Variants in KIAA1549 observed in about 807,000 individuals in gnomAD.
The protein encoded by KIAA1549 is KIAA1549.
Under a neutral mutation model 156.4 loss-of-function variants are expected in KIAA1549, and 70 were observed. That is an observed-to-expected ratio of 0.45 (90% CI 0.37 to 0.55). KIAA1549 has a LOEUF of 0.55. Ranked by LOEUF, KIAA1549 falls within the 20% of genes least tolerant of loss-of-function variation. The pLI, the probability that KIAA1549 is intolerant of heterozygous loss-of-function variation, is 0.00. For missense variants in KIAA1549, 2,428 were observed against 2,540.9 expected (o/e 0.96, Z 0.96); for synonymous variants, 1,103 against 1,066.4 (o/e 1.03, Z -0.67).
At chr7:138,969,480 T>G (rs961988109) in intron 1 of KIAA1549, among the ~76,000 whole-genome samples, 1 of 152,264 alleles carries the variant, frequency 6.6e-6, no homozygotes, top group African/African-American at 2.4e-5. Context: ...TTTTTAAGGC[T>G]GAACGATATT....
chr7:138,886,467 AG>A (rs1811393783), intron 10 of KIAA1549, among the ~76,000 whole-genome samples: 1 of 152,036 alleles, frequency 6.6e-6, no homozygotes, highest in African/African-American at 2.4e-5. Context: ...TTGTAGAGAC[AG>A]GATCTTGCTA....
chr7:138,845,202 T>C (rs1266319060), intron 17 of KIAA1549, among the ~76,000 whole-genome samples: 1 of 146,704 alleles, frequency 6.8e-6, no homozygotes, highest in East Asian at 2.1e-4. Context: ...ATTAAACATA[T>C]ATTAACATAA....
rs1584736599 is a variant in KIAA1549, at chr7:138,894,490, T to C, written c.3884A>G (p.Gln1295Arg). ...AACAATGACCCACAAGTTGTTGCTC[T>C]GGGATTCCGGAGACGGCCTCTTCAC... ...DRVKRPSPES[Q>R]SNNLWVIVGV... Residue 1295 changes from glutamine to arginine, a missense_variant, in exon 10 of 20, where the codon CAG (glutamine) becomes CGG (arginine). Physicochemically the swap from Gln to Arg is conservative, Grantham distance 43. Around this residue, in one of 5 missense-constraint regions of KIAA1549, gnomAD observed 762 missense variants for 901.6 expected, o/e 0.85. Transcript: ENST00000422774. 6.2e-7 allele frequency: 1 copy of C among 1,614,026 alleles called. No individual in the cohort carries two copies. Among genetic ancestry groups the C allele is most frequent in the Non-Finnish European group, 8.5e-7 (1 of 1,179,890 alleles).
At chr7:138,881,704 G>A (rs188156337) in intron 10 of KIAA1549, 120 bp from the exon 11 acceptor site, 12 of 820,064 alleles carry the variant, frequency 1.5e-5, no homozygotes, top group East Asian at 5.3e-5. Flanking sequence ...AACAAGCATC[G>A]CTAGAACATG....
intron 17 of KIAA1549, 67 bp from the exon 18 acceptor site, chr7:138,844,541 C>A: frequency 7.3e-7 from 1 of 1,375,540 alleles, no homozygotes; most frequent in Non-Finnish European, 9.6e-7. Flanking sequence ...CCATGAGGTC[C>A]ACCCCCAACC....
At chr7:138,889,274 T>C (rs761535145) in intron 10 of KIAA1549, among the ~76,000 whole-genome samples, 27 of 152,184 alleles carry the variant, frequency 1.8e-4, no homozygotes, top group Non-Finnish European at 3.2e-4. Flanking sequence ...TATAGGGCGG[T>C]CTACGTAGCC....
At position 138,967,003 on chromosome 7, in the gene KIAA1549, C is replaced by G; in HGVS notation, c.187+14080G>C. On this transcript the variant is annotated intron_variant, in intron 1 of 19. Coordinates refer to ENST00000422774, the MANE Select transcript of KIAA1549 (RefSeq NM_001164665.2). ...CCCATTTTCAACGAGGCTCCCTAAA[C>G]ACCCAGATCAAAACTGCAACTCGTC... Among the ~76,000 whole-genome samples, 2 of 152,200 alleles carry G rather than the reference C, an allele frequency of 1.3e-5. 1 individual carries two copies. Among genetic ancestry groups the G allele is most frequent in the East Asian group, 3.9e-4 (2 of 5,186 alleles).
At chr7:138,910,960 G>A (rs1401088811) in intron 4 of KIAA1549, among the ~76,000 whole-genome samples, 186 bp downstream of exon 4, 2 of 151,986 alleles carry the variant, frequency 1.3e-5, no homozygotes, top group African/African-American at 2.4e-5. Flanking sequence ...CGAGCTCAGG[G>A]GTTCAAGGCT....
At position 138,918,517 on chromosome 7, in the gene KIAA1549, G is replaced by T; in HGVS notation, c.1109C>A (p.Ser370Tyr). The T allele has an allele frequency of 6.2e-7, 1 of 1,614,040 alleles. No individual in the cohort carries two copies. The highest frequency in any genetic ancestry group is 1.3e-5 in the African/African-American group (1 of 75,062). The stretch of plus-strand genomic sequence containing the variant: ...TGAAACATCAGTTGGTGAAGCAGAG[G>T]ACGCAAATGCAAGAGGAGTTGAAAG... Reference protein sequence around the residue: ...PLLSTPLAFASSASPTDVSSN... With the variant: ...PLLSTPLAFAYSASPTDVSSN... Residue 370 changes from serine (S) to tyrosine (Y), a missense_variant, in exon 2 of 20, where the codon TCC becomes TAC. Physicochemically the swap from Ser to Tyr is moderately radical, Grantham distance 144. Around this residue, in one of 5 missense-constraint regions of KIAA1549, gnomAD observed 893 missense variants for 847.9 expected, o/e 1.05. Coordinates refer to ENST00000422774, the MANE Select transcript of KIAA1549 (RefSeq NM_001164665.2). This position sits in a 1 kb window ranked among gnomAD's most constrained non-coding sequence, Gnocchi z 4.2.
At chr7:138,884,450 G>A (rs1811334202) in intron 10 of KIAA1549, among the ~76,000 whole-genome samples, 1 of 152,122 alleles carries the variant, frequency 6.6e-6, no homozygotes, top group African/African-American at 2.4e-5. Flanking sequence ...CCCTTCCCTT[G>A]TAGAGTTTAG....
chr7:138,971,064 C>A (rs941311782), intron 1 of KIAA1549, among the ~76,000 whole-genome samples: 1 of 152,190 alleles, frequency 6.6e-6, no homozygotes, highest in Admixed American at 6.5e-5. Context: ...CGACACAACA[C>A]CCCAGGACCG....
At chr7:138,904,194 C>G (rs151047233) in intron 7 of KIAA1549, among the ~76,000 whole-genome samples, 1 of 152,326 alleles carries the variant, frequency 6.6e-6, no homozygotes, top group East Asian at 1.9e-4. Context: ...GCCTGCCCAT[C>G]TTTAGTTATC....
At chr7:138,887,654 G>T (rs1811436606) in intron 10 of KIAA1549, among the ~76,000 whole-genome samples, 1 of 152,112 alleles carries the variant, frequency 6.6e-6, no homozygotes, top group Non-Finnish European at 1.5e-5. Flanking sequence ...AGCTTCCTGC[G>T]GTGCTCTGCC....
At position 138,879,705 on chromosome 7, in the gene KIAA1549, G is replaced by A; in HGVS notation, c.4230-52C>T. 7 of 1,194,618 alleles carry A rather than the reference G, an allele frequency of 5.9e-6. No individual in the cohort carries two copies. In the Admixed American group the frequency reaches 9.7e-5, roughly 17 times the overall value. The allele number at this position is 1,194,618 out of a possible 1,614,324, so 74.0% of individuals were successfully genotyped here. The stretch of plus-strand genomic sequence containing the variant: ...ATTAGAAACAAGAAAGAATGAAAAG[G>A]AAAAAGTCCCATTAATTTGTGTGTG... On this transcript the variant is annotated intron_variant, in intron 11 of 19. Transcript: ENST00000422774.
chr7:138,871,886 A>C (rs938413851), intron 12 of KIAA1549, among the ~76,000 whole-genome samples: 1 of 152,274 alleles, frequency 6.6e-6, no homozygotes, highest in African/African-American at 2.4e-5. Context: ...CACACTTCTG[A>C]CTTTTCAGTT....
intron 8 of KIAA1549, among the ~76,000 whole-genome samples, chr7:138,901,858 A>C (rs957818880): frequency 2.0e-5 from 3 of 152,220 alleles, no homozygotes; most frequent in African/African-American, 7.2e-5. Context: ...GGAGAAGCAG[A>C]GCATGGCTTA....
intron 17 of KIAA1549, among the ~76,000 whole-genome samples, chr7:138,850,255 T>G (rs1228964614): frequency 6.6e-6 from 1 of 152,158 alleles, no homozygotes; most frequent in Non-Finnish European, 1.5e-5. Context: ...TAGTTCTGTT[T>G]TTATGTCTTT....
intron 1 of KIAA1549, among the ~76,000 whole-genome samples, chr7:138,977,209 G>A (rs750822059): frequency 3.9e-5 from 6 of 152,090 alleles, no homozygotes; most frequent in Non-Finnish European, 5.9e-5. Context: ...AGGGGAAAAC[G>A]CAACATATAG....
At chr7:138,866,684 G>T (rs1034990114) in intron 15 of KIAA1549, among the ~76,000 whole-genome samples, 16 of 152,228 alleles carry the variant, frequency 1.1e-4, no homozygotes, top group African/African-American at 3.9e-4. Context: ...GTTAAGTGAG[G>T]CTGGTTCTCT....
Sources: gnomAD v4.1 joint callset for allele counts (sites outside exome capture counted in the v4.1 genomes callset) on GRCh38, gnomAD v4.1.1 for gene constraint, gnomAD v4.1.1 regional missense constraint, Gnocchi (gnomAD v3.1) non-coding constraint, MANE v1.5 for transcripts, NCBI Gene and HGNC (gene_info 2026-07-23, HGNC 2026-07-21) for gene names.